Variants in SLC24A4 observed in about 807,000 individuals in gnomAD.
SLC24A4 encodes the protein solute carrier family 24 member 4, also known as sodium/potassium/calcium exchanger 4.
In SLC24A4, 53 loss-of-function variants were observed where a neutral mutation model predicts 79.0. That is an observed-to-expected ratio of 0.67 (90% CI 0.54 to 0.84). SLC24A4 has a LOEUF of 0.84. Ranked by LOEUF, SLC24A4 falls within the 40% of genes least tolerant of loss-of-function variation. The pLI, the probability that SLC24A4 is intolerant of heterozygous loss-of-function variation, is 0.00. For missense variants in SLC24A4, 731 were observed against 822.0 expected (o/e 0.89, Z 1.35); for synonymous variants, 323 against 323.8 (o/e 1.00, Z 0.03).
intron 12 of SLC24A4, among the ~76,000 whole-genome samples, chr14:92,468,418 T>C (rs559193134): frequency 1.2e-4 from 18 of 152,284 alleles, no homozygotes; most frequent in Non-Finnish European, 1.8e-4. Flanking sequence ...GATCCTAAAA[T>C]TCATATGGAA....
At chr14:92,468,349 A>G (rs1239965749) in intron 12 of SLC24A4, among the ~76,000 whole-genome samples, 11 of 152,226 alleles carry the variant, frequency 7.2e-5, no homozygotes, top group Admixed American at 7.2e-4. Flanking sequence ...CAGATTGATC[A>G]GATTTAATGC....
chr14:92,466,051 C>G (rs183581369), intron 12 of SLC24A4, among the ~76,000 whole-genome samples: 40 of 152,298 alleles, frequency 2.6e-4, no homozygotes, highest in Admixed American at 1.8e-3. Context: ...CAAAACCCGC[C>G]CTGCAGGAGG....
At chr14:92,365,276 C>T (rs1477545994) in intron 2 of SLC24A4, among the ~76,000 whole-genome samples, 1 of 152,236 alleles carries the variant, frequency 6.6e-6, no homozygotes, top group Admixed American at 6.5e-5. Context: ...CCTCACCAGG[C>T]GATTGGAGCA....
At chr14:92,451,656 A>C (rs1235467667) in intron 10 of SLC24A4, 2 of 152,234 alleles carry the variant, frequency 1.3e-5, no homozygotes. Flanking sequence ...TCTTGACAGG[A>C]AAAGTGGGCA....
At chr14:92,337,226 G>T (rs1381744533) in intron 2 of SLC24A4, among the ~76,000 whole-genome samples, 1 of 152,138 alleles carries the variant, frequency 6.6e-6, no homozygotes, top group African/African-American at 2.4e-5. Context: ...CAATTAGCAG[G>T]CTGTGCTTGG....
chr14:92,359,044 A>C (rs1887347864), intron 2 of SLC24A4, among the ~76,000 whole-genome samples: 1 of 152,102 alleles, frequency 6.6e-6, no homozygotes, highest in African/African-American at 2.4e-5. Flanking sequence ...CATCATTTCT[A>C]ACGGATTCTA....
chr14:92,405,654 T>C (rs1474761064), intron 2 of SLC24A4, among the ~76,000 whole-genome samples: 1 of 152,080 alleles, frequency 6.6e-6, no homozygotes, highest in African/African-American at 2.4e-5. Flanking sequence ...CATCTCACCA[T>C]GGTAGAGCAG....
chr14:92,344,355 AT>A (rs1886401663), intron 2 of SLC24A4, among the ~76,000 whole-genome samples: 1 of 152,248 alleles, frequency 6.6e-6, no homozygotes, highest in African/African-American at 2.4e-5. Context: ...AATGTGTGTT[AT>A]ACGCCACTGA....
chr14:92,464,605 TAGCAGGAAGGTGGTCGGTCC>T (rs1463856224), intron 12 of SLC24A4, among the ~76,000 whole-genome samples: 2 of 151,938 alleles, frequency 1.3e-5, no homozygotes, highest in East Asian at 1.9e-4. Flanking sequence ...TGCTGGACAG[TAGCAGGAAGGTGGTCGGTCC>T]AGCCTCACCG....
At chr14:92,354,826 C>T (rs1297708380) in intron 2 of SLC24A4, among the ~76,000 whole-genome samples, 1 of 152,252 alleles carries the variant, frequency 6.6e-6, no homozygotes, top group Non-Finnish European at 1.5e-5. Context: ...GTAATCCCAG[C>T]ACTTTGGGAG....
intron 2 of SLC24A4, among the ~76,000 whole-genome samples, chr14:92,328,884 A>G (rs1325320932): frequency 6.6e-6 from 1 of 152,224 alleles, no homozygotes; most frequent in Non-Finnish European, 1.5e-5. Flanking sequence ...CTACCTGGGA[A>G]TCGGCGAGGT....
At chr14:92,472,935 A>G (rs1463063812) in intron 12 of SLC24A4, among the ~76,000 whole-genome samples, 1 of 152,104 alleles carries the variant, frequency 6.6e-6, no homozygotes, top group African/African-American at 2.4e-5. Context: ...CTAAGGCTGC[A>G]TACTCACCCT....
rs1229174062 is a variant in SLC24A4, at chr14:92,494,699, T to C, written c.*1071T>C. ...TGAGTGTGTCAGAAGTGCTGGTTAATGACGAGAAGAGATTGCCTGAAAAAC... is the reference window on the plus strand; with the variant it reads ...TGAGTGTGTCAGAAGTGCTGGTTAACGACGAGAAGAGATTGCCTGAAAAAC... On this transcript the variant is annotated 3_prime_UTR_variant, in exon 17 of 17. Transcript: ENST00000532405. The surrounding 1 kb of genome is among the most constrained non-coding windows in gnomAD (Gnocchi z 4.6). 6.6e-6 allele frequency: 1 copy of C among 152,250 alleles called. No homozygotes were observed. Among genetic ancestry groups the C allele is most frequent in the East Asian group, 1.9e-4 (1 of 5,198 alleles). 9.4% of individuals were successfully genotyped at this position (152,250 alleles called of 1,614,324 possible). A position where few individuals can be genotyped will look rare whatever the true frequency, so the allele number is the denominator to read the frequency against.
rs113647693 is a variant in SLC24A4 at position 92,377,657 on chromosome 14, C to T, written c.241+51679C>T. Reference sequence around the variant, plus strand: ...CTTATCTTGAGGGTGAGATGGAGAGCGACAGGGTCAGGGTACATTCTAGAT... The same window carrying T: ...CTTATCTTGAGGGTGAGATGGAGAGTGACAGGGTCAGGGTACATTCTAGAT... On this transcript the variant is annotated intron_variant, in intron 2 of 16. Transcript: ENST00000532405. Among the ~76,000 whole-genome samples, 990 of 152,194 alleles carry T rather than the reference C, an allele frequency of 6.5e-3. 13 individuals are homozygous for T. The highest frequency in any genetic ancestry group is 0.022 in the African/African-American group (927 of 41,508).
intron 2 of SLC24A4, among the ~76,000 whole-genome samples, chr14:92,382,372 A>G (rs1888904784): frequency 6.6e-6 from 1 of 152,160 alleles, no homozygotes. Flanking sequence ...TGTGAGCCTC[A>G]GTTTTCCCAT....
intron 13 of SLC24A4, chr14:92,484,959 A>C (rs1310285945): frequency 1.2e-6 from 1 of 869,490 alleles, no homozygotes; most frequent in Non-Finnish European, 1.4e-6. Flanking sequence ...TGTGTACATT[A>C]TACCCAATTT....
intron 2 of SLC24A4, among the ~76,000 whole-genome samples, chr14:92,409,082 C>A (rs1329889184): frequency 6.6e-6 from 1 of 152,152 alleles, no homozygotes; most frequent in Admixed American, 6.5e-5. Context: ...AGAGGTGGGA[C>A]TGGGTCAGGA....
rs569478906 is a variant in SLC24A4 at position 92,443,435 on chromosome 14, C to T, written c.618C>T (p.Asp206=). ...TGACGTGGTGGGCCGTGTGCCGAGA[C>T]TCCGTGTACTACACCATCTCTGTCA... ...VRLTWWAVCR[D]SVYYTISVIV... The change falls in exon 7 of 17, where the codon GAC becomes GAT. Residue 206 remains aspartate, a synonymous_variant. Transcript: ENST00000532405. The T allele has an allele frequency of 3.7e-6, 6 of 1,614,176 alleles. No individual in the cohort carries two copies. The Admixed American group carries it at 6.7e-5, about 18-fold the overall frequency.
At chr14:92,463,587 C>A (rs565820303) in intron 12 of SLC24A4, among the ~76,000 whole-genome samples, 7 of 152,164 alleles carry the variant, frequency 4.6e-5, no homozygotes, top group Non-Finnish European at 8.8e-5. Flanking sequence ...ACTCTGTGTG[C>A]GCAGAGGTAT....
Sources: gnomAD v4.1 joint callset for allele counts (sites outside exome capture counted in the v4.1 genomes callset) on GRCh38, gnomAD v4.1.1 for gene constraint, Gnocchi (gnomAD v3.1) non-coding constraint, MANE v1.5 for transcripts, NCBI Gene and HGNC (gene_info 2026-07-23, HGNC 2026-07-21) for gene names.